SEPTIN9: variants seen among roughly 807,000 people sequenced by gnomAD.
SEPTIN9 encodes septin 9.
SEPTIN9 carries 13 observed loss-of-function variants against 56.6 expected under a neutral mutation model. That is an observed-to-expected ratio of 0.23 (90% CI 0.15 to 0.37). The LOEUF is 0.37. Ranked by LOEUF, SEPTIN9 falls within the 10% of genes least tolerant of loss-of-function variation. The probability of loss-of-function intolerance (pLI) is 1.00; values close to 1 mark genes in which losing one functional copy is unlikely to be tolerated. For missense variants in SEPTIN9, 650 were observed against 823.1 expected (o/e 0.79, Z 2.57); for synonymous variants, 332 against 334.1 (o/e 0.99, Z 0.07).
intron 3 of SEPTIN9, among the ~76,000 whole-genome samples, chr17:77,442,701 C>T (rs2037593888): frequency 6.6e-6 from 1 of 151,152 alleles, no homozygotes; most frequent in African/African-American, 2.4e-5. Flanking sequence ...GGTGAAACCC[C>T]GTCTCTACTA....
rs112382054 is a variant in SEPTIN9, at chr17:77,445,918, T to A, written c.722-36226T>A. On this transcript the variant is annotated intron_variant, in intron 3 of 11. Coordinates refer to ENST00000427177, the MANE Select transcript of SEPTIN9 (RefSeq NM_001113491.2). The surrounding 1 kb of genome is among the most constrained non-coding windows in gnomAD (Gnocchi z 4.7). ...AGGGGGCACTTTCTCAGCTTTGAGA[T>A]GAGTCTCTGTGGATGTGGGAAGTTC... 6,929 of 173,986 alleles carry A rather than the reference T, an allele frequency of 0.04. 503 individuals are homozygous for A. The highest frequency in any genetic ancestry group is 0.15 in the African/African-American group (6,424 of 41,616). The allele number at this position is 173,986 out of a possible 1,614,324, so 10.8% of individuals were successfully genotyped here.
Position 77,450,419 on chromosome 17 carries a change from T to G in SEPTIN9, c.722-31725T>G, listed in dbSNP as rs1216808307. 2 of 944,734 alleles carry G rather than the reference T, an allele frequency of 2.1e-6. No individual in the cohort carries two copies. Among genetic ancestry groups the G allele is most frequent in the Non-Finnish European group, 2.5e-6 (2 of 792,856 alleles). The allele number at this position is 944,734 out of a possible 1,614,324, so 58.5% of individuals were successfully genotyped here. ...CCCTCAGAAGGTGTCACCAAAGGCT[T>G]CTTTCCATTTGAGTGAATCCCTCCC... On this transcript the variant is annotated intron_variant, in intron 3 of 11. Coordinates refer to ENST00000427177, the MANE Select transcript of SEPTIN9 (RefSeq NM_001113491.2). This position sits in a 1 kb window ranked among gnomAD's most constrained non-coding sequence, Gnocchi z 6.0.
At chr17:77,479,184 A>G (rs1389799434) in intron 3 of SEPTIN9, among the ~76,000 whole-genome samples, 2 of 151,078 alleles carry the variant, frequency 1.3e-5, no homozygotes, top group African/African-American at 4.8e-5. Flanking sequence ...AGGAAAAGTC[A>G]CGTGGCCAGT....
At position 77,498,675 on chromosome 17, in the gene SEPTIN9, C is replaced by CCCCCGGCT; in HGVS notation, c.*20_*21insCGGCTCCC. 6.6e-7 allele frequency: 1 copy of CCCCCGGCT among 1,525,128 alleles called. No individual in the cohort carries two copies. Among genetic ancestry groups the CCCCCGGCT allele is most frequent in the South Asian group, 1.2e-5 (1 of 86,020 alleles). The allele number at this position is 1,525,128 out of a possible 1,614,324, so 94.5% of individuals were successfully genotyped here. A position where few individuals can be genotyped will look rare whatever the true frequency, so the allele number is the denominator to read the frequency against. On this transcript the variant is annotated 3_prime_UTR_variant, in exon 12 of 12. Transcript: ENST00000427177. ...GAGATGTAGACGCCACCCTGCCCACCCCCGGGATCCTGCCCCCAAGTCATT... is the reference window on the plus strand; with the variant it reads ...GAGATGTAGACGCCACCCTGCCCACCCCCCGGCTCCCGGGATCCTGCCCCCAAGTCATT...
At chr17:77,493,641 T>C (rs978790100) in intron 10 of SEPTIN9, among the ~76,000 whole-genome samples, 1 of 152,164 alleles carries the variant, frequency 6.6e-6, no homozygotes, top group Non-Finnish European at 1.5e-5. Flanking sequence ...GCCTCATCCA[T>C]GCCTTCCTCC....
chr17:77,305,488 A>G (rs765249164), intron 1 of SEPTIN9, among the ~76,000 whole-genome samples: 72 of 151,968 alleles, frequency 4.7e-4, no homozygotes, highest in Non-Finnish European at 1.3e-4. Context: ...CATCTCCTCC[A>G]TGAAGCCTCC....
chr17:77,448,623 T>A (rs922919950), intron 3 of SEPTIN9, among the ~76,000 whole-genome samples: 4 of 152,166 alleles, frequency 2.6e-5, no homozygotes, highest in African/African-American at 9.7e-5. Flanking sequence ...GCACTCTGGG[T>A]TTCAGAGTCC....
At chr17:77,465,746 GT>G (rs2038687460) in intron 3 of SEPTIN9, among the ~76,000 whole-genome samples, 1 of 152,022 alleles carries the variant, frequency 6.6e-6, no homozygotes, top group Admixed American at 6.6e-5. Context: ...CAAAGTTCGA[GT>G]GTCTTTTCTG....
chr17:77,327,127 A>C lies in SEPTIN9; in HGVS notation c.76+19930A>C, dbSNP rs567104795. On this transcript the variant is annotated intron_variant, in intron 2 of 11. Coordinates refer to ENST00000427177, the MANE Select transcript of SEPTIN9 (RefSeq NM_001113491.2). This position sits in a 1 kb window ranked among gnomAD's most constrained non-coding sequence, Gnocchi z 5.0. ...GCTGTAGCAAGTTAATCCTACCAGC[A>C]CTGGCTCTCATCTGCCGACCTTACC... 1.1e-4 allele frequency among the ~76,000 whole-genome samples: 16 copies of C among 151,920 alleles called. No homozygotes were observed. The highest frequency in any genetic ancestry group is 2.6e-4 in the Admixed American group (4 of 15,256).
chr17:77,376,457 C>T (rs1339565109), intron 2 of SEPTIN9: 3 of 950,726 alleles, frequency 3.2e-6, no homozygotes, highest in Non-Finnish European at 3.8e-6. Context: ...GATGGTGGCC[C>T]CAGGGTTCCT....
chr17:77,426,599 T>G (rs978402608), intron 3 of SEPTIN9, among the ~76,000 whole-genome samples: 1 of 152,158 alleles, frequency 6.6e-6, no homozygotes, highest in African/African-American at 2.4e-5. Context: ...CGGAAGAATA[T>G]TCACTTGTTC....
intron 2 of SEPTIN9, among the ~76,000 whole-genome samples, chr17:77,353,639 C>A (rs1051960381): frequency 2.0e-5 from 3 of 152,074 alleles, no homozygotes; most frequent in African/African-American, 7.2e-5. Flanking sequence ...ACTAGAGGGG[C>A]CTCCAGCATC....
rs76770349 is a variant in SEPTIN9, at chr17:77,476,822, C to A, written c.722-5322C>A. 0.01 allele frequency among the ~76,000 whole-genome samples: 1,595 copies of A among 152,330 alleles called. 22 individuals carry two copies. Among genetic ancestry groups the A allele is most frequent in the African/African-American group, 0.037 (1,520 of 41,558 alleles). On this transcript the variant is annotated intron_variant, in intron 3 of 11. Coordinates refer to ENST00000427177, the MANE Select transcript of SEPTIN9 (RefSeq NM_001113491.2). The surrounding 1 kb of genome is among the most constrained non-coding windows in gnomAD (Gnocchi z 6.0). ...TTGTCTGGGGCATGGTCTGGCGACA[C>A]CAACTTGAGAACCTCAGGCCTAAGT... is the stretch of plus-strand genomic sequence containing the variant.
intron 10 of SEPTIN9, 25 bp downstream of exon 10, chr17:77,493,101 C>G: frequency 6.6e-7 from 1 of 1,510,124 alleles, no homozygotes; most frequent in East Asian, 2.5e-5. Flanking sequence ...CGCCGGGGCT[C>G]CAGACAGATG....
chr17:77,407,176 G>A (rs905821749), intron 3 of SEPTIN9, among the ~76,000 whole-genome samples: 1 of 151,240 alleles, frequency 6.6e-6, no homozygotes, highest in Admixed American at 6.6e-5. Flanking sequence ...CCAGCTACTG[G>A]GGAGGTTGAG....
chr17:77,432,573 C>T (rs1708164670), intron 3 of SEPTIN9, among the ~76,000 whole-genome samples: 1 of 152,238 alleles, frequency 6.6e-6, no homozygotes, highest in Non-Finnish European at 1.5e-5. Flanking sequence ...CCAGCCCCTC[C>T]TCAGGCCAGC....
At chr17:77,477,586 G>C (rs1394515418) in intron 3 of SEPTIN9, among the ~76,000 whole-genome samples, 1 of 152,184 alleles carries the variant, frequency 6.6e-6, no homozygotes, top group African/African-American at 2.4e-5. Context: ...TGCTACTCAC[G>C]GGCTGCACTA....
intron 1 of SEPTIN9, among the ~76,000 whole-genome samples, chr17:77,300,850 G>C (rs1314662617): frequency 1.6e-5 from 1 of 61,572 alleles, no homozygotes. Context: ...CCCCACCCCA[G>C]GCTCAAACCG....
Position 77,434,727 on chromosome 17 carries a change from C to T in SEPTIN9, c.721+32024C>T, listed in dbSNP as rs312905. Reference sequence around the variant, plus strand: ...TGAAGCAAAGGCCTGTTTGAAGGAGCGTGTGGAAGCCTGGGTGTGATGAAG... The same window carrying T: ...TGAAGCAAAGGCCTGTTTGAAGGAGTGTGTGGAAGCCTGGGTGTGATGAAG... On this transcript the variant is annotated intron_variant, in intron 3 of 11. Coordinates refer to ENST00000427177, the MANE Select transcript of SEPTIN9 (RefSeq NM_001113491.2). This position sits in a 1 kb window ranked among gnomAD's most constrained non-coding sequence, Gnocchi z 5.0. 6.5e-3 allele frequency among the ~76,000 whole-genome samples: 984 copies of T among 152,260 alleles called. 14 individuals are homozygous for T. Among genetic ancestry groups the T allele is most frequent in the African/African-American group, 0.023 (937 of 41,524 alleles).
Sources: gnomAD v4.1 joint callset for allele counts (sites outside exome capture counted in the v4.1 genomes callset) on GRCh38, gnomAD v4.1.1 for gene constraint, Gnocchi (gnomAD v3.1) non-coding constraint, MANE v1.5 for transcripts, NCBI Gene and HGNC (gene_info 2026-07-23, HGNC 2026-07-21) for gene names.